SH3GLB2: variants seen among roughly 807,000 people sequenced by gnomAD.
The protein encoded by SH3GLB2 is endophilin-B2.
A neutral mutation model predicts 48.0 loss-of-function variants in SH3GLB2; 24 were observed. The ratio of observed to expected loss-of-function variants is 0.50; its 90% CI spans 0.36 to 0.70. The LOEUF is 0.70. Ranked by LOEUF, SH3GLB2 falls within the 30% of genes least tolerant of loss-of-function variation. The probability of loss-of-function intolerance (pLI) is 0.00; values close to 1 mark genes in which losing one functional copy is unlikely to be tolerated. For missense variants in SH3GLB2, 425 were observed against 516.0 expected, an observed-to-expected ratio of 0.82 and a Z score of 1.71; for synonymous variants, 227 against 207.6, an observed-to-expected ratio of 1.09 and a Z score of -0.80.
intron 3 of SH3GLB2, among the ~76,000 whole-genome samples, chr9:129,019,049 A>G (rs1258805409): frequency 6.6e-6 from 1 of 151,886 alleles, no homozygotes; most frequent in Non-Finnish European, 1.5e-5. Context: ...GGGGCTTGAC[A>G]ATAGACATGA....
intron 3 of SH3GLB2, among the ~76,000 whole-genome samples, chr9:129,017,699 C>T (rs1352188216): frequency 6.6e-6 from 1 of 151,584 alleles, no homozygotes; most frequent in Non-Finnish European, 1.5e-5. Context: ...AGGAGATCGA[C>T]TATCCTGGCT....
At chr9:129,019,327 G>T (rs1843635583) in intron 3 of SH3GLB2, among the ~76,000 whole-genome samples, 2 of 152,036 alleles carry the variant, frequency 1.3e-5, no homozygotes, top group African/African-American at 4.8e-5. Context: ...GGCAGAGGTT[G>T]CAGTGAGCTG....
chr9:129,025,623 A>C (rs7869652), intron 1 of SH3GLB2, among the ~76,000 whole-genome samples: 87 of 146,232 alleles, frequency 5.9e-4, no homozygotes, highest in South Asian at 1.5e-3. Flanking sequence ...GGAAGGAAGG[A>C]AGGCAGGCAG....
chr9:129,026,782 T>G (rs902802533), intron 1 of SH3GLB2, among the ~76,000 whole-genome samples: 4 of 152,200 alleles, frequency 2.6e-5, no homozygotes, highest in African/African-American at 4.8e-5. Context: ...GGTTCCCCCC[T>G]CCCAGATGGA....
chr9:129,017,820 C>G (rs1843523402), intron 3 of SH3GLB2, among the ~76,000 whole-genome samples: 1 of 150,216 alleles, frequency 6.7e-6, no homozygotes, highest in South Asian at 2.1e-4. Flanking sequence ...ATGGCATGAA[C>G]ACGAGAGGCG....
chr9:129,021,351 A>T, intron 2 of SH3GLB2, 132 bp from the exon 3 acceptor site: 1 of 1,142,548 alleles, frequency 8.8e-7, no homozygotes, highest in Non-Finnish European at 1.2e-6. Flanking sequence ...GCTCTTGCTC[A>T]TGCCCAACCC....
rs1842933474 is a variant in SH3GLB2, at chr9:129,009,130, A to G, written c.1056T>C (p.Ser352=). The change falls in exon 10 of 11, where the codon AGT becomes AGC. Residue 352 remains serine (S), a synonymous_variant. Transcript: ENST00000372564. ...CCTCATCAGCCAGCAGGGCCAGCTC[A>G]CTGCTGTCGGCTGCCTCGTAGTCAT... ...VLYDYEAADS[S]ELALLADELI... 1 of 1,610,234 alleles carries G rather than the reference A, an allele frequency of 6.2e-7. No homozygotes were observed. Among genetic ancestry groups the G allele is most frequent in the Non-Finnish European group, 8.5e-7 (1 of 1,179,752 alleles).
intron 10 of SH3GLB2, 104 bp downstream of exon 10, chr9:129,009,002 C>A: frequency 6.5e-7 from 1 of 1,549,378 alleles, no homozygotes; most frequent in Non-Finnish European, 8.7e-7. Context: ...TGCTGGTCCC[C>A]ACTTTGCCAA....
At chr9:129,010,813 C>CCA in intron 6 of SH3GLB2, 120 bp from the exon 7 acceptor site, 3 of 1,266,014 alleles carry the variant, frequency 2.4e-6, no homozygotes, top group East Asian at 2.5e-5. Context: ...CCCTCTGCCC[C>CCA]CCCTCCCAAA....
intron 8 of SH3GLB2, 57 bp from the exon 9 acceptor site, chr9:129,009,928 TC>T: frequency 6.6e-7 from 1 of 1,522,520 alleles, no homozygotes. Context: ...AACAAAAAAT[TC>T]CGTCCCCATC....
chr9:129,018,009 T>C (rs969770913), intron 3 of SH3GLB2, among the ~76,000 whole-genome samples: 1 of 148,324 alleles, frequency 6.7e-6, no homozygotes, highest in African/African-American at 2.5e-5. Context: ...GGAGGATCCC[T>C]TGAACCTGGG....
rs1425354633 is a variant in SH3GLB2 at position 129,011,067 on chromosome 9, A to G, written c.625-374T>C. 3.9e-6 allele frequency: 1 copy of G among 259,228 alleles called. No homozygotes were observed. The highest frequency in any genetic ancestry group is 7.3e-6 in the Non-Finnish European group (1 of 136,150). 16.1% of individuals were successfully genotyped at this position (259,228 alleles called of 1,614,324 possible). A position where few individuals can be genotyped will look rare whatever the true frequency, so the allele number is the denominator to read the frequency against. ...CTGTGTGACCCTGGGCCAGTCACTG[A>G]AGCTTTCTGTCCTCTGGCAGAGAAA... On this transcript the variant is annotated intron_variant, in intron 6 of 10. Transcript: ENST00000372564. This position sits in a 1 kb window ranked among gnomAD's most constrained non-coding sequence, Gnocchi z 4.5.
chr9:129,015,902 G>T (rs773604234), intron 3 of SH3GLB2: 1 of 283,338 alleles, frequency 3.5e-6, no homozygotes, highest in East Asian at 1.1e-4. Flanking sequence ...AACATGGTTT[G>T]ATTCATCACA....
At chr9:129,020,206 CAAAAAA>C (rs60400704) in intron 3 of SH3GLB2, among the ~76,000 whole-genome samples, 1 of 22,994 alleles carries the variant, frequency 4.3e-5, no homozygotes, top group Non-Finnish European at 7.4e-5. Context: ...ACTCCATCTC[CAAAAAA>C]AAAAAAAAAA....
intron 2 of SH3GLB2, 55 bp downstream of exon 2, chr9:129,022,227 C>T: frequency 6.3e-7 from 1 of 1,598,992 alleles, no homozygotes; most frequent in South Asian, 1.1e-5. Flanking sequence ...AGGCCTCCTA[C>T]TGTATCCCTG....
chr9:129,024,782 A>G (rs1844041863), intron 1 of SH3GLB2, among the ~76,000 whole-genome samples: 1 of 151,388 alleles, frequency 6.6e-6, no homozygotes, highest in South Asian at 2.1e-4. Flanking sequence ...CATCCTGGCT[A>G]ACACGGTGAA....
chr9:129,019,276 T>G (rs1430697950), intron 3 of SH3GLB2, among the ~76,000 whole-genome samples: 1 of 151,880 alleles, frequency 6.6e-6, no homozygotes, highest in East Asian at 1.9e-4. Context: ...TAATCCCAGC[T>G]AATCAGGAGG....
At chr9:129,024,992 GAAGCCA>G (rs1377588856) in intron 1 of SH3GLB2, among the ~76,000 whole-genome samples, 17 of 151,148 alleles carry the variant, frequency 1.1e-4, no homozygotes, top group Non-Finnish European at 2.2e-4. Context: ...AGACAGCAAG[GAAGCCA>G]GGCATGGTGG....
intron 3 of SH3GLB2, among the ~76,000 whole-genome samples, chr9:129,016,276 G>C (rs1843411107): frequency 7.0e-6 from 1 of 143,086 alleles, no homozygotes; most frequent in Non-Finnish European, 1.5e-5. Flanking sequence ...CCAGGAGGCA[G>C]AGGTTGCAGT....
Sources: allele counts gnomAD v4.1 joint callset (sites outside exome capture counted in the v4.1 genomes callset), GRCh38; gene constraint gnomAD v4.1.1; non-coding constraint Gnocchi (gnomAD v3.1); transcripts MANE v1.5; gene names NCBI Gene and HGNC (gene_info 2026-07-23, HGNC 2026-07-21).